Variants in OCA2 observed in about 807,000 individuals in gnomAD.
OCA2 encodes OCA2 melanosomal transmembrane protein, also known as P protein.
In OCA2, 77 loss-of-function variants were observed where a neutral mutation model predicts 100.2. That is an observed-to-expected ratio of 0.77 (90% CI 0.64 to 0.93). The LOEUF (loss-of-function observed/expected upper bound fraction) is 0.93. Ranked by LOEUF, OCA2 falls within the 40% of genes least tolerant of loss-of-function variation. The pLI is 0.00. For missense variants in OCA2, 1,062 were observed against 1,089.1 expected, an observed-to-expected ratio of 0.98 and a Z score of 0.35; for synonymous variants, 432 against 439.2, an observed-to-expected ratio of 0.98 and a Z score of 0.21.
At chr15:27,977,106 A>G (rs1219317846) in intron 14 of OCA2, among the ~76,000 whole-genome samples, 2 of 152,198 alleles carry the variant, frequency 1.3e-5, no homozygotes, top group East Asian at 3.8e-4. Flanking sequence ...CTGTTGTAAT[A>G]TAACAACTCT....
At chr15:27,997,865 T>C (rs1417418205) in intron 9 of OCA2, among the ~76,000 whole-genome samples, 1 of 131,964 alleles carries the variant, frequency 7.6e-6, no homozygotes, top group African/African-American at 2.5e-5. Flanking sequence ...GAGCAGTGAT[T>C]TGTAGTTCTC....
chr15:27,883,496 T>G (rs1332563209), intron 19 of OCA2, among the ~76,000 whole-genome samples: 4 of 152,236 alleles, frequency 2.6e-5, no homozygotes, highest in Non-Finnish European at 5.9e-5. Context: ...TTAAGTCGGC[T>G]ACTGTTCCTG....
At chr15:28,080,541 C>G (rs1171914925) in intron 2 of OCA2, among the ~76,000 whole-genome samples, 1 of 152,234 alleles carries the variant, frequency 6.6e-6, no homozygotes, top group Non-Finnish European at 1.5e-5. Flanking sequence ...ACAGCATAGA[C>G]TGTAAGTCAA....
At chr15:27,918,089 A>ATTTTTT (rs34943192) in intron 19 of OCA2, among the ~76,000 whole-genome samples, 1 of 103,176 alleles carries the variant, frequency 9.7e-6, no homozygotes, top group Admixed American at 1.1e-4. Flanking sequence ...CTCCCTCTTG[A>ATTTTTT]TTTTTTTTTT....
intron 23 of OCA2, among the ~76,000 whole-genome samples, chr15:27,814,599 C>T (rs2034205721): frequency 6.6e-6 from 1 of 152,088 alleles, no homozygotes; most frequent in South Asian, 2.1e-4. Flanking sequence ...AAATATAGGC[C>T]AGGCACCGTG....
rs995140134 is a variant in OCA2 at position 27,939,944 on chromosome 15, C to T, written c.1951+11840G>A. ...TGGTCCTCGGGAACCACCCAGGTCA[C>T]TGACTGCACAACTGCAGTGAGCTGC... is the stretch of plus-strand genomic sequence containing the variant. On this transcript the variant is annotated intron_variant, in intron 18 of 23. Coordinates refer to ENST00000354638, the MANE Select transcript of OCA2 (RefSeq NM_000275.3). Among the ~76,000 whole-genome samples, 5 of 152,226 alleles carry T rather than the reference C, an allele frequency of 3.3e-5. No individual in the cohort carries two copies. The East Asian group carries it at 9.6e-4, about 29-fold the overall frequency.
chr15:27,964,656 G>A (rs11630771), intron 15 of OCA2, among the ~76,000 whole-genome samples: 1 of 152,310 alleles, frequency 6.6e-6, no homozygotes, highest in East Asian at 1.9e-4. Context: ...TGAGATTTCA[G>A]GGTTACTTTT....
intron 3 of OCA2, among the ~76,000 whole-genome samples, chr15:28,029,956 C>T (rs1040473057): frequency 6.6e-6 from 1 of 152,218 alleles, no homozygotes; most frequent in African/African-American, 2.4e-5. Flanking sequence ...CCTCCCAGGG[C>T]ATGTCTCTGC....
intron 23 of OCA2, among the ~76,000 whole-genome samples, chr15:27,832,945 C>G (rs1297408386): frequency 1.3e-5 from 2 of 150,938 alleles, no homozygotes; most frequent in Admixed American, 1.3e-4. Context: ...CCCCCAGTAG[C>G]TGGGAGTACA....
At chr15:27,947,799 C>A (rs1335544125) in intron 18 of OCA2, among the ~76,000 whole-genome samples, 3 of 151,848 alleles carry the variant, frequency 2.0e-5, no homozygotes, top group African/African-American at 4.8e-5. Flanking sequence ...AGTGGCCCGT[C>A]ACGAAGGCCA....
At chr15:27,745,678 G>A in the OCA2 span, among the ~76,000 whole-genome samples, 1 of 152,090 alleles carries the variant, frequency 6.6e-6, no homozygotes, top group Non-Finnish European at 1.5e-5. Context: ...TTCCCTTCCA[G>A]GCCTTTTCCT....
chr15:27,789,737 A>T (rs2151122055), intron 23 of OCA2, among the ~76,000 whole-genome samples: 1 of 152,332 alleles, frequency 6.6e-6, no homozygotes, highest in South Asian at 2.1e-4. Flanking sequence ...TTTAATGAAA[A>T]ATTATAGTCT....
chr15:27,806,159 C>A (rs2033837624), intron 23 of OCA2, among the ~76,000 whole-genome samples: 1 of 152,240 alleles, frequency 6.6e-6, no homozygotes, highest in Non-Finnish European at 1.5e-5. Context: ...ATGCTCCGCC[C>A]TCCGCGGGTG....
At chr15:27,949,199 C>T (rs1428224809) in intron 18 of OCA2, among the ~76,000 whole-genome samples, 1 of 152,218 alleles carries the variant, frequency 6.6e-6, no homozygotes, top group African/African-American at 2.4e-5. Flanking sequence ...TATATGACAG[C>T]ACCCTATGTT....
At chr15:27,899,196 T>C (rs897564270) in intron 19 of OCA2, among the ~76,000 whole-genome samples, 1 of 152,230 alleles carries the variant, frequency 6.6e-6, no homozygotes, top group African/African-American at 2.4e-5. Flanking sequence ...TATTTTCTTC[T>C]GAAGCTTCCA....
intron 19 of OCA2, among the ~76,000 whole-genome samples, chr15:27,902,340 T>A (rs1470224687): frequency 6.6e-6 from 1 of 152,212 alleles, no homozygotes; most frequent in Non-Finnish European, 1.5e-5. Flanking sequence ...ATCAACGATT[T>A]GATTTACTCA....
At chr15:27,842,189 C>A (rs925427244) in intron 23 of OCA2, among the ~76,000 whole-genome samples, 4 of 152,148 alleles carry the variant, frequency 2.6e-5, no homozygotes, top group Non-Finnish European at 5.9e-5. Context: ...TGTTAAGATG[C>A]TCACAATAGA....
intron 2 of OCA2, among the ~76,000 whole-genome samples, chr15:28,065,879 A>G (rs1303926073): frequency 1.3e-5 from 2 of 152,080 alleles, no homozygotes; most frequent in Non-Finnish European, 2.9e-5. Flanking sequence ...CTTCTTAATG[A>G]TTTTGTGAAA....
intron 23 of OCA2, among the ~76,000 whole-genome samples, chr15:27,781,222 A>T (rs2032523641): frequency 6.6e-6 from 1 of 152,212 alleles, no homozygotes; most frequent in South Asian, 2.1e-4. Flanking sequence ...ATGTGGAAAC[A>T]TCCTATCTCT....
Sources: allele counts gnomAD v4.1 joint callset (sites outside exome capture counted in the v4.1 genomes callset), GRCh38; gene constraint gnomAD v4.1.1; transcripts MANE v1.5; gene names NCBI Gene and HGNC (gene_info 2026-07-23, HGNC 2026-07-21).